ATXN1: variants seen among roughly 807,000 people sequenced by gnomAD.
The protein encoded by ATXN1 is ataxin-1.
ATXN1 carries 8 observed loss-of-function variants against 56.4 expected under a neutral mutation model. The observed-to-expected ratio is 0.14, with a 90% CI of 0.08 to 0.26. ATXN1 has a LOEUF of 0.26. Among genes scored for constraint, ATXN1 ranks in the 10% least tolerant of loss-of-function variants. The pLI is 1.00. For synonymous variants in ATXN1, 514 were observed against 494.6 expected (o/e 1.04, Z -0.52); for missense variants, 987 against 1,106.5 (o/e 0.89, Z 1.53).
chr6:16,589,445 CTTATATA>C (rs974586770), intron 3 of ATXN1, among the ~76,000 whole-genome samples: 55 of 150,736 alleles, frequency 3.6e-4, no homozygotes, highest in East Asian at 3.3e-3. Context: ...TATATACATA[CTTATATA>C]TTATATATAC....
At chr6:16,322,039 T>C (rs1760666588) in intron 7 of ATXN1, among the ~76,000 whole-genome samples, 1 of 152,076 alleles carries the variant, frequency 6.6e-6, no homozygotes, top group Admixed American at 6.5e-5. Context: ...ACGGGCAAGA[T>C]AGCAAAACCC....
chr6:16,350,278 C>T (rs1396002887), intron 6 of ATXN1, among the ~76,000 whole-genome samples: 1 of 152,120 alleles, frequency 6.6e-6, no homozygotes, highest in Non-Finnish European at 1.5e-5. Context: ...GATGATAATA[C>T]GTTTTCAAAA....
intron 3 of ATXN1, among the ~76,000 whole-genome samples, chr6:16,604,617 G>C (rs116144132): frequency 0.026 from 3,300 of 125,848 alleles, 69 homozygotes; most frequent in Middle Eastern, 0.036. Flanking sequence ...AGACAGGCTT[G>C]CTTTGTTGCC....
At chr6:16,541,528 A>T (rs1761713247) in intron 4 of ATXN1, among the ~76,000 whole-genome samples, 2 of 152,208 alleles carry the variant, frequency 1.3e-5, no homozygotes, top group Non-Finnish European at 2.9e-5. Flanking sequence ...AGGGCAGAAG[A>T]AGTCAAAGTG....
At chr6:16,585,730 T>G (rs1045885192) in intron 4 of ATXN1, 50 bp downstream of exon 4, 2 of 152,208 alleles carry the variant, frequency 1.3e-5, no homozygotes, top group African/African-American at 4.8e-5. Flanking sequence ...CTTGGGGACT[T>G]TACAACTCAA....
chr6:16,493,003 C>A (rs148887404), intron 5 of ATXN1, among the ~76,000 whole-genome samples: 8 of 152,268 alleles, frequency 5.3e-5, no homozygotes, highest in African/African-American at 1.9e-4. Context: ...AATTCTGCAC[C>A]CTTTCTATCT....
In ATXN1 at chr6:16,760,426, C is replaced by T. The variant is rs574897458; in HGVS notation, c.-730+872G>A. 7.4e-4 allele frequency among the ~76,000 whole-genome samples: 112 copies of T among 151,510 alleles called. No individual in the cohort carries two copies. Among genetic ancestry groups the T allele is most frequent in the African/African-American group, 2.5e-3 (102 of 41,434 alleles). The stretch of plus-strand genomic sequence containing the variant: ...GCTCCCGGCTCCGGGCGGCGGCTGC[C>T]GCTGCACATGATCAGGAAGCGGCCG... On this transcript the variant is annotated intron_variant, in intron 1 of 7. Coordinates refer to ENST00000436367, the MANE Select transcript of ATXN1 (RefSeq NM_001128164.2). The surrounding 1 kb of genome is among the most constrained non-coding windows in gnomAD (Gnocchi z 5.3).
At chr6:16,425,404 A>G (rs1221979395) in intron 6 of ATXN1, among the ~76,000 whole-genome samples, 1 of 152,258 alleles carries the variant, frequency 6.6e-6, no homozygotes, top group Admixed American at 6.5e-5. Flanking sequence ...TGCTCCCAAC[A>G]TAATATACTG....
At chr6:16,330,495 T>A (rs1341225521) in intron 6 of ATXN1, among the ~76,000 whole-genome samples, 1 of 150,602 alleles carries the variant, frequency 6.6e-6, no homozygotes, top group African/African-American at 2.4e-5. Context: ...GCTCAAGTGA[T>A]CCTCCCACCT....
At chr6:16,619,227 A>G (rs1050110647) in intron 3 of ATXN1, among the ~76,000 whole-genome samples, 1 of 152,138 alleles carries the variant, frequency 6.6e-6, no homozygotes, top group African/African-American at 2.4e-5. Flanking sequence ...ATTTAATAAC[A>G]CATATCAAAA....
chr6:16,591,368 AC>A (rs1762719736), intron 3 of ATXN1, among the ~76,000 whole-genome samples: 1 of 152,236 alleles, frequency 6.6e-6, no homozygotes, highest in Admixed American at 6.5e-5. Context: ...GTTCTTTGCA[AC>A]ATAATTAAAA....
At chr6:16,587,259 C>A (rs1762641801) in intron 3 of ATXN1, among the ~76,000 whole-genome samples, 1 of 152,070 alleles carries the variant, frequency 6.6e-6, no homozygotes, top group South Asian at 2.1e-4. Flanking sequence ...ACCTAAAATC[C>A]ACGTCCTGCC....
intron 5 of ATXN1, among the ~76,000 whole-genome samples, chr6:16,488,757 A>G (rs1470317295): frequency 6.6e-6 from 1 of 152,160 alleles, no homozygotes; most frequent in Non-Finnish European, 1.5e-5. Flanking sequence ...TTCCATTTAA[A>G]ATGTCCAAGA....
intron 5 of ATXN1, among the ~76,000 whole-genome samples, chr6:16,487,794 T>A (rs1760580106): frequency 6.6e-6 from 1 of 152,178 alleles, no homozygotes; most frequent in Non-Finnish European, 1.5e-5. Context: ...GTAGTCATGA[T>A]GGGGGTACCT....
At chr6:16,372,491 T>TGCCCATTTGGATAAAATGGA (rs1170005162) in intron 6 of ATXN1, among the ~76,000 whole-genome samples, 2 of 152,204 alleles carry the variant, frequency 1.3e-5, no homozygotes, top group Non-Finnish European at 2.9e-5. Context: ...GCCCCAACCA[T>TGCCCATTTGGATAAAATGGA]GCCCATTTGG....
Position 16,302,637 on chromosome 6 carries a change from G to A in ATXN1, c.*3692C>T, listed in dbSNP as rs1249536218. The A allele has an allele frequency of 6.6e-5, 10 of 152,558 alleles. No individual in the cohort carries two copies. The highest frequency in any genetic ancestry group is 2.4e-4 in the African/African-American group (10 of 41,424). The allele number at this position is 152,558 out of a possible 1,614,324, so 9.5% of individuals were successfully genotyped here. ...ATATATTTAGAAATCCCTAGAAAGA[G>A]AGGTTCTTGTTTGTTGGTTTCTTAT... On this transcript the variant is annotated 3_prime_UTR_variant, in exon 8 of 8. Transcript: ENST00000436367.
intron 2 of ATXN1, among the ~76,000 whole-genome samples, chr6:16,708,269 G>A (rs994275049): frequency 3.3e-5 from 5 of 152,050 alleles, no homozygotes; most frequent in South Asian, 2.1e-4. Context: ...TTTTATAATC[G>A]TCAACATACA....
chr6:16,747,167 T>C (rs566549850), intron 2 of ATXN1, among the ~76,000 whole-genome samples: 33 of 152,334 alleles, frequency 2.2e-4, no homozygotes, highest in Non-Finnish European at 4.1e-4. Flanking sequence ...AGGGGCACAT[T>C]TTAAAAAGAA....
intron 2 of ATXN1, among the ~76,000 whole-genome samples, chr6:16,718,920 A>G (rs1759692918): frequency 1.3e-5 from 2 of 152,238 alleles, no homozygotes; most frequent in South Asian, 4.1e-4. Context: ...GTAGCATGAT[A>G]AAACTGTCAT....
Sources: gnomAD v4.1 joint callset for allele counts (sites outside exome capture counted in the v4.1 genomes callset) on GRCh38, gnomAD v4.1.1 for gene constraint, Gnocchi (gnomAD v3.1) non-coding constraint, MANE v1.5 for transcripts, NCBI Gene and HGNC (gene_info 2026-07-23, HGNC 2026-07-21) for gene names.